NRXN1: variants seen among roughly 807,000 people sequenced by gnomAD.
The protein encoded by NRXN1 is neurexin-1.
Under a neutral mutation model 150.9 loss-of-function variants are expected in NRXN1, and 39 were observed. That is an observed-to-expected ratio of 0.26 (90% CI 0.20 to 0.34). The LOEUF (loss-of-function observed/expected upper bound fraction) is 0.34. NRXN1 is among the 10% of genes least tolerant of loss of function. NRXN1 has a pLI of 1.00. For missense variants in NRXN1, 1,815 were observed against 1,949.9 expected, an observed-to-expected ratio of 0.93 and a Z score of 1.30; for synonymous variants, 924 against 757.0, an observed-to-expected ratio of 1.22 and a Z score of -3.62.
intron 18 of NRXN1, among the ~76,000 whole-genome samples, chr2:50,110,458 C>G (rs1444024842): frequency 7.3e-6 from 1 of 137,442 alleles, no homozygotes; most frequent in Non-Finnish European, 1.5e-5. Flanking sequence ...CGCCACCGCA[C>G]TCCAGCCTGG....
chr2:50,206,255 AC>A (rs1387557081), intron 18 of NRXN1, among the ~76,000 whole-genome samples: 12 of 148,782 alleles, frequency 8.1e-5, no homozygotes, highest in African/African-American at 1.5e-4. Context: ...ACACACACAC[AC>A]ACACACAACA....
At chr2:50,883,535 T>C (rs1250150822) in intron 5 of NRXN1, among the ~76,000 whole-genome samples, 1 of 151,742 alleles carries the variant, frequency 6.6e-6, no homozygotes, top group Admixed American at 6.6e-5. Flanking sequence ...AATGTAAAAT[T>C]TGAATTGCTC....
intron 5 of NRXN1, among the ~76,000 whole-genome samples, chr2:50,707,225 A>T (rs1306817908): frequency 6.6e-6 from 1 of 152,292 alleles, no homozygotes; most frequent in East Asian, 1.9e-4. Context: ...ATGATAAGTG[A>T]TGACCATCCT....
intron 18 of NRXN1, among the ~76,000 whole-genome samples, chr2:50,206,406 G>C (rs1246789654): frequency 6.6e-6 from 1 of 151,954 alleles, no homozygotes; most frequent in Non-Finnish European, 1.5e-5. Context: ...TATGTCAGAA[G>C]ATAATAAGAT....
At chr2:49,947,503 C>CT (rs376145888) in intron 21 of NRXN1, among the ~76,000 whole-genome samples, 10,581 of 133,928 alleles carry the variant, frequency 0.079, 574 homozygotes, top group Middle Eastern at 0.12. Context: ...TTTTTTCTTT[C>CT]TTTTTTTTTT....
At chr2:50,689,529 G>C (rs1207848532) in intron 5 of NRXN1, among the ~76,000 whole-genome samples, 1 of 152,226 alleles carries the variant, frequency 6.6e-6, no homozygotes. Context: ...TCTCTTTGAA[G>C]CTATCTGGAT....
intron 2 of NRXN1, among the ~76,000 whole-genome samples, 183 bp downstream of exon 2, chr2:51,027,319 G>A (rs888055178): frequency 1.3e-5 from 2 of 152,172 alleles, no homozygotes; most frequent in Non-Finnish European, 2.9e-5. Flanking sequence ...ATCCTTAGGA[G>A]GATGTCAAGG....
At chr2:49,958,398 T>C (rs116310371) in intron 21 of NRXN1, among the ~76,000 whole-genome samples, 2,198 of 152,268 alleles carry the variant, frequency 0.014, 21 homozygotes, top group Non-Finnish European at 0.023. Context: ...CTTGGATAGC[T>C]TTCCTCTTGC....
intron 17 of NRXN1, among the ~76,000 whole-genome samples, chr2:50,338,452 C>T (rs977060782): frequency 3.3e-5 from 5 of 152,074 alleles, no homozygotes; most frequent in African/African-American, 4.8e-5. Context: ...TCAATCTCTA[C>T]GTACATCCTC....
intron 17 of NRXN1, among the ~76,000 whole-genome samples, chr2:50,379,458 T>A (rs2080785749): frequency 6.6e-6 from 1 of 152,110 alleles, no homozygotes; most frequent in Admixed American, 6.6e-5. Flanking sequence ...TCCCTGAGAA[T>A]CAGTCTCGCT....
intron 18 of NRXN1, among the ~76,000 whole-genome samples, chr2:50,167,381 C>T (rs1289310346): frequency 2.0e-5 from 3 of 152,010 alleles, no homozygotes; most frequent in Non-Finnish European, 4.4e-5. Context: ...AAAGTAAAGG[C>T]CATTTCATCT....
At chr2:50,380,621 A>G (rs1033162168) in intron 17 of NRXN1, among the ~76,000 whole-genome samples, 1 of 152,080 alleles carries the variant, frequency 6.6e-6, no homozygotes, top group Non-Finnish European at 1.5e-5. Flanking sequence ...GGATTGTGTG[A>G]GGATTGAATA....
chr2:50,695,437 G>A (rs990967182), intron 5 of NRXN1, among the ~76,000 whole-genome samples: 2 of 152,146 alleles, frequency 1.3e-5, no homozygotes, highest in South Asian at 2.1e-4. Flanking sequence ...AGGTAGCCCT[G>A]CCTCATAGAT....
At chr2:50,529,687 T>G (rs1420627788) in intron 11 of NRXN1, among the ~76,000 whole-genome samples, 3 of 152,194 alleles carry the variant, frequency 2.0e-5, no homozygotes, top group Non-Finnish European at 4.4e-5. Flanking sequence ...CACACCTCTT[T>G]CTACAGAATG....
intron 2 of NRXN1, among the ~76,000 whole-genome samples, chr2:50,942,627 T>C (rs1278232156): frequency 6.6e-6 from 1 of 152,210 alleles, no homozygotes; most frequent in Non-Finnish European, 1.5e-5. Context: ...GTTTTAGATT[T>C]TCATGGGGCC....
chr2:50,199,477 G>A (rs76164269), intron 18 of NRXN1, among the ~76,000 whole-genome samples: 8,685 of 151,658 alleles, frequency 0.057, 294 homozygotes, highest in Middle Eastern at 0.11. Flanking sequence ...ACAAATATAA[G>A]AAGAAAGTGC....
intron 5 of NRXN1, among the ~76,000 whole-genome samples, chr2:50,865,802 G>A (rs1376656243): frequency 6.7e-6 from 1 of 150,034 alleles, no homozygotes; most frequent in Non-Finnish European, 1.5e-5. Flanking sequence ...CTGGGAATGG[G>A]AATTACTATG....
chr2:50,047,855 A>C (rs1256215319), intron 21 of NRXN1, among the ~76,000 whole-genome samples: 1 of 152,186 alleles, frequency 6.6e-6, no homozygotes, highest in African/African-American at 2.4e-5. Flanking sequence ...CTAGAAAGGT[A>C]GTAGAAAGGT....
intron 8 of NRXN1, among the ~76,000 whole-genome samples, chr2:50,567,397 A>T (rs182605169): frequency 9.8e-4 from 150 of 152,294 alleles, no homozygotes; most frequent in Middle Eastern, 6.8e-3. Context: ...GATGAAGCCC[A>T]AAACAGCAGG....
Sources: gnomAD v4.1 joint callset for allele counts (sites outside exome capture counted in the v4.1 genomes callset) on GRCh38, gnomAD v4.1.1 for gene constraint, MANE v1.5 for transcripts, NCBI Gene and HGNC (gene_info 2026-07-23, HGNC 2026-07-21) for gene names.